Variants in ADGRB3 observed in about 807,000 individuals in gnomAD.
ADGRB3 encodes adhesion G protein-coupled receptor B3.
In ADGRB3, 37 loss-of-function variants were observed where a neutral mutation model predicts 193.4. That is an observed-to-expected ratio of 0.19 (90% CI 0.15 to 0.25). ADGRB3 has a LOEUF of 0.25. ADGRB3 is among the 10% of genes least tolerant of loss of function. The pLI, the probability that ADGRB3 is intolerant of heterozygous loss-of-function variation, is 1.00. For missense variants in ADGRB3, 1,637 were observed against 1,852.9 expected (o/e 0.88, Z 2.14); for synonymous variants, 690 against 644.2 (o/e 1.07, Z -1.08).
chr6:68,867,577 G>T (rs976189912), intron 3 of ADGRB3, among the ~76,000 whole-genome samples: 2 of 152,106 alleles, frequency 1.3e-5, no homozygotes, highest in Admixed American at 1.3e-4. Flanking sequence ...CCATTCTCCA[G>T]ACCCCAGAAT....
chr6:69,253,876 G>A (rs1192166985), intron 20 of ADGRB3, among the ~76,000 whole-genome samples: 1 of 151,932 alleles, frequency 6.6e-6, no homozygotes, highest in Non-Finnish European at 1.5e-5. Context: ...AAATATTTCT[G>A]AGATCAAAAA....
At chr6:68,936,218 C>G (rs1386246305) in intron 4 of ADGRB3, among the ~76,000 whole-genome samples, 6 of 152,112 alleles carry the variant, frequency 3.9e-5, no homozygotes, top group African/African-American at 1.4e-4. Context: ...AAGAGAATCA[C>G]CTCAACAAAT....
At chr6:69,374,898 A>G (rs1234854863) in intron 30 of ADGRB3, among the ~76,000 whole-genome samples, 2 of 152,116 alleles carry the variant, frequency 1.3e-5, no homozygotes, top group Non-Finnish European at 2.9e-5. Context: ...AATGACAACT[A>G]TGGAAGAGAC....
intron 21 of ADGRB3, 143 bp downstream of exon 21, chr6:69,325,165 T>A: frequency 9.1e-7 from 1 of 1,095,148 alleles, no homozygotes. Flanking sequence ...TGGTCAGTTT[T>A]GAACATTCAT....
At chr6:69,141,127 T>TTTTG (rs1554153867) in intron 17 of ADGRB3, among the ~76,000 whole-genome samples, 3 of 57,688 alleles carry the variant, frequency 5.2e-5, no homozygotes, top group African/African-American at 1.6e-4. Context: ...TTCTTTTTTT[T>TTTTG]TGGGGGGGGC....
intron 3 of ADGRB3, among the ~76,000 whole-genome samples, chr6:68,759,032 T>C (rs892807343): frequency 6.6e-6 from 1 of 152,150 alleles, no homozygotes; most frequent in Non-Finnish European, 1.5e-5. Context: ...CCATGAACTC[T>C]AGAGGGCTTG....
At chr6:69,049,497 A>G (rs1372693751) in intron 15 of ADGRB3, 151 bp downstream of exon 15, 8 of 577,812 alleles carry the variant, frequency 1.4e-5, no homozygotes, top group African/African-American at 1.9e-5. Context: ...TGAACAGGCT[A>G]TTAGCAATTA....
chr6:68,836,067 T>G (rs540516461), intron 3 of ADGRB3, among the ~76,000 whole-genome samples: 1 of 152,244 alleles, frequency 6.6e-6, no homozygotes, highest in Non-Finnish European at 1.5e-5. Flanking sequence ...AACATTGCAC[T>G]TCTTTTCTCT....
At chr6:69,209,205 C>G (rs1765603578) in intron 17 of ADGRB3, among the ~76,000 whole-genome samples, 1 of 152,186 alleles carries the variant, frequency 6.6e-6, no homozygotes, top group South Asian at 2.1e-4. Flanking sequence ...GGACCTCACT[C>G]AAAACTGGCG....
At chr6:68,906,369 A>G (rs1350991901) in intron 3 of ADGRB3, among the ~76,000 whole-genome samples, 2 of 151,918 alleles carry the variant, frequency 1.3e-5, no homozygotes, top group East Asian at 1.9e-4. Context: ...TATTGAAGGT[A>G]TACCATATAT....
rs548039968 is a variant in ADGRB3, at chr6:68,976,950, ATAT to A, written c.1734+1612_1734+1614del. On this transcript the variant is annotated intron_variant, in intron 10 of 31. Transcript: ENST00000370598. The stretch of plus-strand genomic sequence containing the variant: ...ATATACTTACAATATAGAAAAATAT[ATAT>A]TTTTTTATATTTATCACATAAACAT... 5.6e-3 allele frequency among the ~76,000 whole-genome samples: 843 copies of A among 150,290 alleles called. 7 individuals carry two copies. Among genetic ancestry groups the A allele is most frequent in the African/African-American group, 0.02 (805 of 41,172 alleles).
intron 8 of ADGRB3, among the ~76,000 whole-genome samples, chr6:68,972,353 G>C (rs1421589383): frequency 6.6e-6 from 1 of 152,110 alleles, no homozygotes; most frequent in East Asian, 1.9e-4. Context: ...CCTCAGCACA[G>C]CTCTCCTGCC....
chr6:68,649,340 A>G (rs917681841), intron 3 of ADGRB3, among the ~76,000 whole-genome samples: 1 of 152,166 alleles, frequency 6.6e-6, no homozygotes, highest in African/African-American at 2.4e-5. Context: ...ATTCAACAAC[A>G]TCTCTATAAG....
intron 3 of ADGRB3, among the ~76,000 whole-genome samples, chr6:68,687,626 GCATT>G (rs1459480424): frequency 1.3e-5 from 2 of 152,108 alleles, no homozygotes; most frequent in Non-Finnish European, 2.9e-5. Context: ...TAATTAGCCA[GCATT>G]CATTCATTCA....
chr6:69,138,701 ATAT>A (rs550551695), intron 17 of ADGRB3, among the ~76,000 whole-genome samples: 12 of 152,148 alleles, frequency 7.9e-5, no homozygotes, highest in Non-Finnish European at 1.6e-4. Context: ...GAGATTTACA[ATAT>A]TAAGTTTATA....
At chr6:68,938,227 G>T (rs780006353) in intron 5 of ADGRB3, among the ~76,000 whole-genome samples, 1 of 151,788 alleles carries the variant, frequency 6.6e-6, no homozygotes, top group Non-Finnish European at 1.5e-5. Flanking sequence ...AACAAAAAAA[G>T]ATTCACAAGA....
chr6:69,214,761 A>G (rs751621840), intron 17 of ADGRB3, among the ~76,000 whole-genome samples: 40 of 151,446 alleles, frequency 2.6e-4, no homozygotes, highest in Admixed American at 1.2e-3. Context: ...TGTGGTTTTT[A>G]CCATTAAAAG....
intron 3 of ADGRB3, among the ~76,000 whole-genome samples, chr6:68,752,245 G>C (rs116068547): frequency 4.6e-5 from 7 of 151,190 alleles, no homozygotes; most frequent in Non-Finnish European, 1.0e-4. Context: ...GCCCAATAAT[G>C]GTGATGGATT....
chr6:69,137,318 C>G (rs980039632), intron 17 of ADGRB3, among the ~76,000 whole-genome samples: 1 of 151,746 alleles, frequency 6.6e-6, no homozygotes, highest in Admixed American at 6.6e-5. Context: ...CTAAATACCC[C>G]CATCAGTTCA....
Sources: gnomAD v4.1 joint callset for allele counts (sites outside exome capture counted in the v4.1 genomes callset) on GRCh38, gnomAD v4.1.1 for gene constraint, MANE v1.5 for transcripts, NCBI Gene and HGNC (gene_info 2026-07-23, HGNC 2026-07-21) for gene names.